ZCWPW2: variants seen among roughly 807,000 people sequenced by gnomAD.
The protein encoded by ZCWPW2 is zinc finger CW-type PWWP domain protein 2.
ZCWPW2 carries 45 observed loss-of-function variants against 46.6 expected under a neutral mutation model. The ratio of observed to expected loss-of-function variants is 0.96; its 90% CI spans 0.76 to 1.24. The LOEUF (loss-of-function observed/expected upper bound fraction) is 1.24. Ranked by LOEUF, ZCWPW2 falls within the 50% of genes most tolerant of loss-of-function variation. The probability of loss-of-function intolerance (pLI) is 0.00; values close to 1 mark genes in which losing one functional copy is unlikely to be tolerated. For missense variants in ZCWPW2, 429 were observed against 403.9 expected (o/e 1.06, Z -0.53); for synonymous variants, 152 against 137.1 (o/e 1.11, Z -0.76).
chr3:28,460,874 C>T (rs1001469852), intron 4 of ZCWPW2: 1 of 174,224 alleles, frequency 5.7e-6, no homozygotes, highest in African/African-American at 2.4e-5. Context: ...TGACATAAAT[C>T]TCTAGGCAGA....
At chr3:28,496,901 AAAGT>A (rs1488369522) in intron 6 of ZCWPW2, among the ~76,000 whole-genome samples, 2 of 151,554 alleles carry the variant, frequency 1.3e-5, no homozygotes, top group African/African-American at 4.8e-5. Flanking sequence ...TGGATGATAA[AAAGT>A]AAGTAACTGC....
intron 1 of ZCWPW2, among the ~76,000 whole-genome samples, chr3:28,364,977 C>T (rs1442945741): frequency 2.0e-5 from 3 of 152,054 alleles, no homozygotes; most frequent in African/African-American, 7.2e-5. Flanking sequence ...ATCCTTTGCC[C>T]ACTTTTTGAT....
intron 1 of ZCWPW2, among the ~76,000 whole-genome samples, chr3:28,382,688 G>A (rs1361599135): frequency 6.6e-6 from 1 of 152,022 alleles, no homozygotes; most frequent in Non-Finnish European, 1.5e-5. Flanking sequence ...AGAGAAAAAA[G>A]GTACATATAA....
At chr3:28,351,431 A>T (rs1418102423) in intron 1 of ZCWPW2, 2 of 151,592 alleles carry the variant, frequency 1.3e-5, no homozygotes, top group East Asian at 3.8e-4. Context: ...GCAATATCTT[A>T]ACAAAGAATA....
chr3:28,495,172 C>G (rs1699945718), intron 6 of ZCWPW2, among the ~76,000 whole-genome samples: 1 of 151,964 alleles, frequency 6.6e-6, no homozygotes, highest in Non-Finnish European at 1.5e-5. Flanking sequence ...TACCTGACTT[C>G]AAACTATACT....
chr3:28,476,300 A>T (rs1198284394), intron 4 of ZCWPW2, among the ~76,000 whole-genome samples: 7 of 152,116 alleles, frequency 4.6e-5, no homozygotes, highest in Non-Finnish European at 1.0e-4. Context: ...TGCAAAGCAC[A>T]GTTGAGCCTA....
At chr3:28,484,468 T>C (rs952416670) in intron 5 of ZCWPW2, among the ~76,000 whole-genome samples, 2 of 152,202 alleles carry the variant, frequency 1.3e-5, no homozygotes, top group Non-Finnish European at 2.9e-5. Flanking sequence ...ATTGTAGGCC[T>C]ATTCAGATTG....
At chr3:28,363,834 C>T (rs1575049533) in intron 1 of ZCWPW2, among the ~76,000 whole-genome samples, 1 of 152,138 alleles carries the variant, frequency 6.6e-6, no homozygotes, top group East Asian at 1.9e-4. Context: ...ACAGTCCTCC[C>T]TCTCCCTCTG....
rs958260796 is a variant in ZCWPW2 at position 28,525,508 on chromosome 3, C to T, written c.*820C>T. Among the ~76,000 whole-genome samples the T allele has an allele frequency of 6.6e-6, 1 of 152,044 alleles. No homozygotes were observed. Among genetic ancestry groups the T allele is most frequent in the East Asian group, 1.9e-4 (1 of 5,176 alleles). ...CCTATCTTTAGTTCCTGCTCTATCTCTTTCTGGTGGTACGGGGTGGGGAAA... is the reference window on the plus strand; with the variant it reads ...CCTATCTTTAGTTCCTGCTCTATCTTTTTCTGGTGGTACGGGGTGGGGAAA... On this transcript the variant is annotated 3_prime_UTR_variant, in exon 10 of 10. Coordinates refer to ENST00000383768, the MANE Select transcript of ZCWPW2 (RefSeq NM_001040432.4).
chr3:28,368,379 G>C (rs957292622), intron 1 of ZCWPW2, among the ~76,000 whole-genome samples: 3 of 152,064 alleles, frequency 2.0e-5, no homozygotes, highest in African/African-American at 7.3e-5. Flanking sequence ...CTCAACATTT[G>C]CTTGTCTGTA....
At chr3:28,364,788 T>G (rs1705068655) in intron 1 of ZCWPW2, among the ~76,000 whole-genome samples, 1 of 152,106 alleles carries the variant, frequency 6.6e-6, no homozygotes, top group Admixed American at 6.6e-5. Context: ...CCACTAACAG[T>G]GTAAAAGTGT....
intron 1 of ZCWPW2, among the ~76,000 whole-genome samples, chr3:28,384,489 A>G (rs1293190482): frequency 2.0e-5 from 3 of 152,116 alleles, no homozygotes; most frequent in African/African-American, 7.2e-5. Context: ...ATGTGTCTGT[A>G]TACTGAAAAT....
chr3:28,356,398 T>G (rs1024492680), intron 1 of ZCWPW2, among the ~76,000 whole-genome samples: 5 of 152,212 alleles, frequency 3.3e-5, no homozygotes, highest in Non-Finnish European at 7.3e-5. Flanking sequence ...ACTTTTACAC[T>G]GTTGGTGGGA....
At chr3:28,438,838 A>C (rs1007840885) in intron 4 of ZCWPW2, among the ~76,000 whole-genome samples, 1 of 152,036 alleles carries the variant, frequency 6.6e-6, no homozygotes, top group African/African-American at 2.4e-5. Flanking sequence ...GAATTAGAAA[A>C]CCTATAAGAA....
At chr3:28,457,887 T>C (rs1698482176) in intron 4 of ZCWPW2, among the ~76,000 whole-genome samples, 1 of 152,226 alleles carries the variant, frequency 6.6e-6, no homozygotes, top group Non-Finnish European at 1.5e-5. Context: ...AGATATAAGA[T>C]AAAATTTACC....
chr3:28,520,947 TA>T, intron 8 of ZCWPW2, 44 bp from the exon 9 acceptor site: 1 of 1,606,406 alleles, frequency 6.2e-7, no homozygotes, highest in Non-Finnish European at 8.5e-7. Context: ...TAGATTGAAT[TA>T]AGTGAGATGT....
chr3:28,420,360 A>G (rs936286108), intron 3 of ZCWPW2, among the ~76,000 whole-genome samples: 1 of 151,984 alleles, frequency 6.6e-6, no homozygotes, highest in Non-Finnish European at 1.5e-5. Flanking sequence ...GTTGGTTTCA[A>G]AGAACATCTT....
intron 4 of ZCWPW2, among the ~76,000 whole-genome samples, chr3:28,459,043 T>G (rs1698529559): frequency 6.6e-6 from 1 of 152,202 alleles, no homozygotes; most frequent in Non-Finnish European, 1.5e-5. Flanking sequence ...CCAGGCTTGC[T>G]GGTCGTCACA....
rs150427424 is a variant in ZCWPW2 at position 28,404,887 on chromosome 3, G to C, written c.-13-8169G>C. 7.9e-5 allele frequency among the ~76,000 whole-genome samples: 12 copies of C among 152,226 alleles called. 1 individual carries two copies. Among genetic ancestry groups the C allele is most frequent in the African/African-American group, 2.9e-4 (12 of 41,550 alleles). ...CTTTGGGGACTTAGGAGGAAATAAT[G>C]GAAGGAGGGTGAGGGACAAAAGACT... On this transcript the variant is annotated intron_variant, in intron 2 of 9. Transcript: ENST00000383768.
Sources: gnomAD v4.1 joint callset for allele counts (sites outside exome capture counted in the v4.1 genomes callset) on GRCh38, gnomAD v4.1.1 for gene constraint, MANE v1.5 for transcripts, NCBI Gene and HGNC (gene_info 2026-07-23, HGNC 2026-07-21) for gene names.